Variants in CDH18 observed in about 807,000 individuals in gnomAD.
CDH18 encodes the protein cadherin-18.
In CDH18, 31 loss-of-function variants were observed where a neutral mutation model predicts 67.9. That is an observed-to-expected ratio of 0.46 (90% CI 0.34 to 0.62). CDH18 has a LOEUF of 0.62. Among genes scored for constraint, CDH18 ranks in the 20% least tolerant of loss-of-function variants. The probability of loss-of-function intolerance (pLI) is 0.01; values close to 1 mark genes in which losing one functional copy is unlikely to be tolerated. For synonymous variants in CDH18, 362 were observed against 347.2 expected (o/e 1.04, Z -0.48); for missense variants, 890 against 975.5 (o/e 0.91, Z 1.17).
intron 2 of CDH18, among the ~76,000 whole-genome samples, chr5:19,937,797 T>C (rs1400991321): frequency 5.3e-5 from 8 of 150,988 alleles, no homozygotes; most frequent in Admixed American, 4.6e-4. Context: ...CAGTTATATA[T>C]ATAGAGAGAG....
intron 1 of CDH18, among the ~76,000 whole-genome samples, chr5:20,318,751 CTCT>C (rs1175249278): frequency 6.6e-6 from 1 of 152,094 alleles, no homozygotes; most frequent in African/African-American, 2.4e-5. Flanking sequence ...CCAATTAAAT[CTCT>C]TTTCTTTTTT....
At chr5:19,502,161 G>A (rs1244547225) in intron 11 of CDH18, among the ~76,000 whole-genome samples, 1 of 152,120 alleles carries the variant, frequency 6.6e-6, no homozygotes, top group Non-Finnish European at 1.5e-5. Flanking sequence ...AAGAGAAAGG[G>A]AATTCAATGT....
chr5:20,124,142 C>G (rs1428566824), intron 2 of CDH18, among the ~76,000 whole-genome samples: 1 of 152,020 alleles, frequency 6.6e-6, no homozygotes, highest in Non-Finnish European at 1.5e-5. Context: ...AAGTGAGGAG[C>G]ACATTTTTGA....
chr5:19,550,899 G>A (rs537506316), intron 8 of CDH18, among the ~76,000 whole-genome samples: 3 of 152,204 alleles, frequency 2.0e-5, no homozygotes, highest in Non-Finnish European at 4.4e-5. Flanking sequence ...AAGTGTTCCT[G>A]TTTCTCCACA....
At position 19,473,687 on chromosome 5, in the gene CDH18, G is replaced by C. The variant is rs765244838; in HGVS notation, c.1912C>G (p.Arg638Gly). 4.4e-6 allele frequency: 7 copies of C among 1,606,634 alleles called. No homozygotes were observed. Among genetic ancestry groups the C allele is most frequent in the Non-Finnish European group, 6.0e-6 (7 of 1,176,358 alleles). ...AIVVLFITLR[R>G]SKKEPLIISE... is the part of the protein sequence containing the mutation. Reference sequence around the variant, plus strand: ...ATGATCAAGGGCTCTTTTTTGCTGCGCCTCAGGGTGATAAAAAGTACCACA... The same window carrying C: ...ATGATCAAGGGCTCTTTTTTGCTGCCCCTCAGGGTGATAAAAAGTACCACA... The change falls in exon 13 of 13, where the codon CGC becomes GGC. Residue 638 changes from arginine to glycine, a missense_variant. By Grantham distance (125) the Arg-to-Gly change is moderately radical. Transcript: ENST00000382275.
chr5:20,439,821 C>T (rs1322023642), intron 1 of CDH18, among the ~76,000 whole-genome samples: 1 of 151,588 alleles, frequency 6.6e-6, no homozygotes, highest in East Asian at 1.9e-4. Flanking sequence ...GTATGTTCAG[C>T]TTTAGATATA....
At chr5:20,479,477 A>G (rs1752648895) in intron 1 of CDH18, among the ~76,000 whole-genome samples, 1 of 152,138 alleles carries the variant, frequency 6.6e-6, no homozygotes, top group Non-Finnish European at 1.5e-5. Flanking sequence ...TAGTTGACAT[A>G]CTGCAGAATG....
chr5:20,568,001 A>G (rs139161119), intron 1 of CDH18, among the ~76,000 whole-genome samples: 222 of 152,314 alleles, frequency 1.5e-3, no homozygotes, highest in African/African-American at 4.8e-3. Context: ...AGAAGCACTG[A>G]GTGTAAATAT....
intron 2 of CDH18, among the ~76,000 whole-genome samples, chr5:20,012,183 G>C (rs1737499845): frequency 6.6e-6 from 1 of 151,414 alleles, no homozygotes; most frequent in East Asian, 1.9e-4. Context: ...ATATATCTAG[G>C]AATTTATTCA....
At chr5:19,474,569 A>G (rs1451472511) in intron 12 of CDH18, among the ~76,000 whole-genome samples, 1 of 152,132 alleles carries the variant, frequency 6.6e-6, no homozygotes, top group Non-Finnish European at 1.5e-5. Context: ...AATGAGAATG[A>G]GGAATCTGAG....
intron 2 of CDH18, among the ~76,000 whole-genome samples, chr5:19,909,424 C>A (rs34847415): frequency 6.6e-6 from 1 of 151,192 alleles, no homozygotes; most frequent in African/African-American, 2.4e-5. Context: ...CTCAGCCTCC[C>A]GAGTAGCTGG....
chr5:19,970,128 T>C (rs1178928470), intron 2 of CDH18, among the ~76,000 whole-genome samples: 5 of 151,784 alleles, frequency 3.3e-5, no homozygotes, highest in African/African-American at 7.2e-5. Flanking sequence ...TAAAGAACCA[T>C]TGAGAAACAC....
chr5:19,692,174 T>C lies in CDH18; in HGVS notation c.643+29173A>G, dbSNP rs115397232. ...ATAAATGGTGCTAGGAAACTTAATA[T>C]CCATATGCAGAAGAATGAAACTAGA... On this transcript the variant is annotated intron_variant, in intron 5 of 12. Transcript: ENST00000382275. Among the ~76,000 whole-genome samples, 1,143 of 152,096 alleles carry C rather than the reference T, an allele frequency of 7.5e-3. 15 individuals carry two copies. The highest frequency in any genetic ancestry group is 0.026 in the African/African-American group (1,083 of 41,550).
At chr5:20,393,427 G>T (rs765508464) in intron 1 of CDH18, among the ~76,000 whole-genome samples, 2 of 151,948 alleles carry the variant, frequency 1.3e-5, no homozygotes, top group Non-Finnish European at 2.9e-5. Context: ...CGTTCTCACT[G>T]CTGGTATAGA....
intron 2 of CDH18, among the ~76,000 whole-genome samples, chr5:19,909,480 G>C (rs1652664983): frequency 6.6e-6 from 1 of 151,772 alleles, no homozygotes; most frequent in Non-Finnish European, 1.5e-5. Flanking sequence ...TGTATTTTTA[G>C]TAGAGATGGG....
chr5:20,064,675 T>A (rs1318477610), intron 2 of CDH18, among the ~76,000 whole-genome samples: 1 of 152,082 alleles, frequency 6.6e-6, no homozygotes, highest in African/African-American at 2.4e-5. Flanking sequence ...TTTATAGATA[T>A]GTGACCTTAC....
intron 5 of CDH18, among the ~76,000 whole-genome samples, chr5:19,669,450 A>G (rs969820526): frequency 6.6e-6 from 1 of 151,598 alleles, no homozygotes; most frequent in Non-Finnish European, 1.5e-5. Flanking sequence ...ATGCCACCAC[A>G]TCTGGCTAAT....
intron 1 of CDH18, among the ~76,000 whole-genome samples, chr5:20,328,665 C>T (rs1738857127): frequency 6.6e-6 from 1 of 152,106 alleles, no homozygotes; most frequent in Non-Finnish European, 1.5e-5. Flanking sequence ...CTAAATAAAC[C>T]TCTACTCCAT....
At chr5:20,002,196 T>C (rs535590309) in intron 2 of CDH18, among the ~76,000 whole-genome samples, 4 of 152,344 alleles carry the variant, frequency 2.6e-5, no homozygotes, top group South Asian at 4.1e-4. Flanking sequence ...AGGGATCCAA[T>C]TGATAGAACT....
Sources: gnomAD v4.1 joint callset for allele counts (sites outside exome capture counted in the v4.1 genomes callset) on GRCh38, gnomAD v4.1.1 for gene constraint, MANE v1.5 for transcripts, NCBI Gene and HGNC (gene_info 2026-07-23, HGNC 2026-07-21) for gene names.